The following TBC1D9 variants were observed in gnomAD, a reference collection of about 807,000 sequenced individuals.
The protein encoded by TBC1D9 is TBC1 domain family member 9A.
A neutral mutation model predicts 132.0 loss-of-function variants in TBC1D9; 63 were observed. That is an observed-to-expected ratio of 0.48 (90% CI 0.39 to 0.59). TBC1D9 has a LOEUF of 0.59. TBC1D9 is among the 20% of genes least tolerant of loss of function. TBC1D9 has a pLI of 0.00. For synonymous variants in TBC1D9, 610 were observed against 609.9 expected (o/e 1.00, Z 0.00); for missense variants, 1,261 against 1,592.7 (o/e 0.79, Z 3.54).
chr4:140,706,259 C>T lies in TBC1D9; in HGVS notation c.131-4645G>A, dbSNP rs1022754648. ...GATCCTAAAGATCACTTGGCCTCCC[C>T]GACTCCATTAGTCCTGACGCTGGTC... On this transcript the variant is annotated intron_variant, in intron 1 of 20. Transcript: ENST00000442267. This position sits in a 1 kb window ranked among gnomAD's most constrained non-coding sequence, Gnocchi z 4.0. Among the ~76,000 whole-genome samples, 3 of 152,182 alleles carry T rather than the reference C, an allele frequency of 2.0e-5. No homozygotes were observed. Among genetic ancestry groups the T allele is most frequent in the African/African-American group, 4.8e-5 (2 of 41,436 alleles).
chr4:140,712,449 A>AATATATAT lies in TBC1D9; in HGVS notation c.131-10843_131-10836dup, dbSNP rs10530134. 2.0e-4 allele frequency among the ~76,000 whole-genome samples: 21 copies of AATATATAT among 102,706 alleles called. 2 individuals are homozygous for AATATATAT. The highest frequency in any genetic ancestry group is 1.6e-3 in the South Asian group (5 of 3,048). The allele number at this position is 102,706 out of a possible 152,430, so 67.4% of individuals were successfully genotyped here. On this transcript the variant is annotated intron_variant, in intron 1 of 20. Transcript: ENST00000442267. The stretch of plus-strand genomic sequence containing the variant: ...CTGAATATGCTCTTTAAAAAAAAAG[A>AATATATAT]ATATATATATATGCCAGGTGCGGTG...
chr4:140,643,764 A>C (rs1737051219), intron 13 of TBC1D9: 18 of 1,042,408 alleles, frequency 1.7e-5, no homozygotes, highest in Non-Finnish European at 2.0e-5. Context: ...CCCCTCCGCA[A>C]AGTCTGGGCA....
intron 3 of TBC1D9, among the ~76,000 whole-genome samples, chr4:140,684,091 T>G (rs1384634694): frequency 6.6e-6 from 1 of 152,248 alleles, no homozygotes; most frequent in East Asian, 1.9e-4. Flanking sequence ...AGACTTCTAT[T>G]ATGACAATAT....
intron 3 of TBC1D9, among the ~76,000 whole-genome samples, chr4:140,680,528 T>C (rs1331572340): frequency 2.0e-5 from 3 of 152,306 alleles, no homozygotes; most frequent in East Asian, 1.9e-4. Flanking sequence ...CCCTGAAAAT[T>C]GGCTTCTACA....
intron 20 of TBC1D9, 51 bp downstream of exon 20, chr4:140,624,064 GA>G (rs1265916397): frequency 1.4e-6 from 2 of 1,432,420 alleles, no homozygotes; most frequent in East Asian, 2.4e-5. Context: ...TTCAGTCATA[GA>G]AAAAAGAGTG....
chr4:140,639,691 G>C (rs1736949293), intron 13 of TBC1D9, among the ~76,000 whole-genome samples: 1 of 152,188 alleles, frequency 6.6e-6, no homozygotes, highest in Admixed American at 6.5e-5. Flanking sequence ...TTGTCAAGAA[G>C]GGCTAAATAA....
intron 5 of TBC1D9, 87 bp downstream of exon 5, chr4:140,678,855 G>A: frequency 6.8e-7 from 1 of 1,463,204 alleles, no homozygotes; most frequent in Admixed American, 1.9e-5. Flanking sequence ...AACCCTTGAA[G>A]ATCGTCAGAG....
chr4:140,701,441 T>G (rs1738067412), intron 2 of TBC1D9, 63 bp downstream of exon 2: 1 of 1,265,618 alleles, frequency 7.9e-7, no homozygotes. Flanking sequence ...TTCCTTCTGA[T>G]AAAAAGTTGT....
chr4:140,646,109 G>A (rs1435119410), intron 13 of TBC1D9, among the ~76,000 whole-genome samples: 1 of 152,206 alleles, frequency 6.6e-6, no homozygotes, highest in African/African-American at 2.4e-5. Context: ...TGATTCACAT[G>A]TAAGTGCTCA....
chr4:140,654,441 A>C (rs6851558), intron 13 of TBC1D9, among the ~76,000 whole-genome samples: 107,758 of 142,158 alleles, frequency 0.76, 41,307 homozygotes, highest in African/African-American at 0.91. Flanking sequence ...CTAACAAAAG[A>C]AAAAAGAAAA....
chr4:140,749,371 A>G (rs2111085490), intron 1 of TBC1D9, among the ~76,000 whole-genome samples: 2 of 152,338 alleles, frequency 1.3e-5, no homozygotes, highest in East Asian at 3.9e-4. Flanking sequence ...AATTATTCCC[A>G]TATCCCACCA....
At chr4:140,718,333 G>C (rs184231917) in intron 1 of TBC1D9, among the ~76,000 whole-genome samples, 2 of 149,352 alleles carry the variant, frequency 1.3e-5, no homozygotes, top group Non-Finnish European at 3.0e-5. Context: ...CTAGTTCTTT[G>C]AACATTTTTA....
rs555229386 is a variant in TBC1D9, at chr4:140,662,366, C to T, written c.1589-259G>A. On this transcript the variant is annotated intron_variant, in intron 9 of 20. Transcript: ENST00000442267. ...AGGTAGAGGTTCCCAAGCTACAAAA[C>T]CATGCTCTGAGGAACTCCCACAGAC... 1.1e-4 allele frequency among the ~76,000 whole-genome samples: 17 copies of T among 152,282 alleles called. No individual in the cohort carries two copies. The South Asian group carries it at 3.5e-3, about 32-fold the overall frequency.
intron 17 of TBC1D9, among the ~76,000 whole-genome samples, chr4:140,627,948 G>GA (rs1736734251): frequency 6.6e-6 from 1 of 152,080 alleles, no homozygotes; most frequent in African/African-American, 2.4e-5. Flanking sequence ...GTTTAAAATT[G>GA]AAAAAACCTC....
intron 1 of TBC1D9, among the ~76,000 whole-genome samples, chr4:140,750,083 T>G (rs938639700): frequency 1.3e-5 from 2 of 151,266 alleles, no homozygotes. Context: ...CAAAAACGCT[T>G]GGCAAACTAG....
At chr4:140,658,558 C>T (rs1737306460) in intron 11 of TBC1D9, among the ~76,000 whole-genome samples, 1 of 151,892 alleles carries the variant, frequency 6.6e-6, no homozygotes, top group Admixed American at 6.6e-5. Flanking sequence ...AATAATAATC[C>T]CAGCACTTTG....
At chr4:140,649,571 A>C (rs1737155939) in intron 13 of TBC1D9, among the ~76,000 whole-genome samples, 1 of 152,222 alleles carries the variant, frequency 6.6e-6, no homozygotes, top group African/African-American at 2.4e-5. Context: ...ACATTACAGG[A>C]GGCAGAGCCC....
At chr4:140,659,511 G>T in intron 11 of TBC1D9, 77 bp downstream of exon 11, 1 of 981,420 alleles carries the variant, frequency 1.0e-6, no homozygotes, top group Non-Finnish European at 1.5e-6. Flanking sequence ...ACCAGAAATA[G>T]TGTTCTGGCT....
chr4:140,689,289 T>C (rs1737836466), intron 2 of TBC1D9, among the ~76,000 whole-genome samples: 1 of 152,102 alleles, frequency 6.6e-6, no homozygotes. Context: ...CAGAATCCCA[T>C]GGAATCCAAC....
Sources: gnomAD v4.1 joint callset for allele counts (sites outside exome capture counted in the v4.1 genomes callset) on GRCh38, gnomAD v4.1.1 for gene constraint, Gnocchi (gnomAD v3.1) non-coding constraint, MANE v1.5 for transcripts, NCBI Gene and HGNC (gene_info 2026-07-23, HGNC 2026-07-21) for gene names.